MTUS2: variants seen among roughly 807,000 people sequenced by gnomAD.
The protein encoded by MTUS2 is microtubule-associated tumor suppressor candidate 2.
MTUS2 carries 40 observed loss-of-function variants against 114.1 expected under a neutral mutation model. The ratio of observed to expected loss-of-function variants is 0.35; its 90% confidence interval spans 0.27 to 0.46. The LOEUF (loss-of-function observed/expected upper bound fraction) is 0.46, where lower values mean the gene tolerates loss of function less well. MTUS2 is among the 20% of genes least tolerant of loss of function. The pLI is 1.00. For synonymous variants in MTUS2, 688 were observed against 672.0 expected (o/e 1.02, Z -0.37); for missense variants, 1,679 against 1,705.4 (o/e 0.98, Z 0.27).
At position 29,200,563 on chromosome 13, in the gene MTUS2, C is replaced by T. The variant is rs1207004006; in HGVS notation, c.2645-81141C>T. Among the ~76,000 whole-genome samples, 4 of 94,104 alleles carry T rather than the reference C, an allele frequency of 4.3e-5. No homozygotes were observed. The Admixed American group carries it at 6.3e-4, about 15-fold the overall frequency. The allele number at this position is 94,104 out of a possible 152,430, so 61.7% of individuals were successfully genotyped here. On this transcript the variant is annotated intron_variant, in intron 5 of 15. Coordinates refer to ENST00000612955, the MANE Select transcript of MTUS2 (RefSeq NM_001033602.4). ...GAGATGGAGTTTTGCTCTTGTTGCC[C>T]AGGCTGGAATATAATGGTGTGATCT...
At chr13:28,825,181 G>C (rs1020543083) in intron 1 of MTUS2, among the ~76,000 whole-genome samples, 1 of 152,164 alleles carries the variant, frequency 6.6e-6, no homozygotes, top group East Asian at 1.9e-4. Flanking sequence ...TTGGAACTGA[G>C]GACCTCTCAG....
intron 14 of MTUS2, among the ~76,000 whole-genome samples, chr13:29,498,981 C>T (rs1473681946): frequency 6.6e-6 from 1 of 152,196 alleles, no homozygotes; most frequent in Non-Finnish European, 1.5e-5. Context: ...AGCCCTGGCC[C>T]AGTGCTTCCA....
intron 8 of MTUS2, among the ~76,000 whole-genome samples, chr13:29,376,149 T>C (rs3121745): frequency 0.61 from 92,835 of 151,376 alleles, 29,505 homozygotes; most frequent in East Asian, 0.73. Flanking sequence ...AGTAAATAAC[T>C]GAGTAAATAT....
chr13:29,481,001 C>G (rs192670661), intron 10 of MTUS2, among the ~76,000 whole-genome samples: 16 of 152,252 alleles, frequency 1.1e-4, no homozygotes, highest in Non-Finnish European at 5.9e-5. Context: ...CCAGAATTCA[C>G]AGAGCTGGCC....
Position 28,854,504 on chromosome 13 carries a change from C to T in MTUS2, c.-243+14654C>T, listed in dbSNP as rs551252742. Among the ~76,000 whole-genome samples, 7 of 152,262 alleles carry T rather than the reference C, an allele frequency of 4.6e-5. No individual in the cohort carries two copies. The South Asian group carries it at 1.5e-3, about 32-fold the overall frequency. On this transcript the variant is annotated intron_variant, in intron 2 of 15. Coordinates refer to ENST00000612955, the MANE Select transcript of MTUS2 (RefSeq NM_001033602.4). ...ACCACCGTTCAGTTTTGCCTTTTCC[C>T]CTCTGCGTTGTTAGTCCATGAACAC...
rs533849190 is a variant in MTUS2, at chr13:28,962,028, A to G, written c.-242-62429A>G. 1.1e-4 allele frequency among the ~76,000 whole-genome samples: 17 copies of G among 151,604 alleles called. No individual in the cohort carries two copies. In the South Asian group the frequency reaches 3.1e-3, roughly 28 times the overall value. On this transcript the variant is annotated intron_variant, in intron 2 of 15. Transcript: ENST00000612955. ...AATAAATATTTAAAAATCTCTTTCT[A>G]TACATATATATTTTATATACATATT... is the stretch of plus-strand genomic sequence containing the variant.
chr13:29,158,002 T>A (rs1286206720), intron 5 of MTUS2, among the ~76,000 whole-genome samples: 1 of 152,190 alleles, frequency 6.6e-6, no homozygotes, highest in Non-Finnish European at 1.5e-5. Flanking sequence ...GTGAAACATC[T>A]CTGACTTTTA....
chr13:28,893,080 A>C (rs539110648), intron 2 of MTUS2, among the ~76,000 whole-genome samples: 1 of 152,206 alleles, frequency 6.6e-6, no homozygotes, highest in South Asian at 2.1e-4. Context: ...ATAACCTTGG[A>C]GGGTTCATTT....
intron 2 of MTUS2, among the ~76,000 whole-genome samples, chr13:28,991,733 G>T (rs562372940): frequency 6.6e-6 from 1 of 152,206 alleles, no homozygotes; most frequent in East Asian, 1.9e-4. Context: ...CTCTGGGCTG[G>T]CAGGAGCTTT....
At chr13:28,927,422 C>T (rs1201985798) in intron 2 of MTUS2, among the ~76,000 whole-genome samples, 2 of 152,026 alleles carry the variant, frequency 1.3e-5, no homozygotes, top group East Asian at 1.9e-4. Context: ...AAAAATTAGT[C>T]AGGCATAGTG....
intron 5 of MTUS2, among the ~76,000 whole-genome samples, chr13:29,116,296 A>G (rs1256854910): frequency 6.6e-6 from 1 of 152,230 alleles, no homozygotes; most frequent in Non-Finnish European, 1.5e-5. Context: ...TATGCAATAA[A>G]TTTAGATTAT....
chr13:29,471,878 C>T (rs529373731), intron 9 of MTUS2, among the ~76,000 whole-genome samples: 104 of 152,320 alleles, frequency 6.8e-4, no homozygotes, highest in Non-Finnish European at 1.3e-3. Context: ...AGGTGCTTGG[C>T]ACCCAGGAAG....
At chr13:29,464,983 G>A (rs74044815) in intron 9 of MTUS2, among the ~76,000 whole-genome samples, 1,919 of 152,322 alleles carry the variant, frequency 0.013, 49 homozygotes, top group African/African-American at 0.044. Context: ...ATAGATTTGA[G>A]ATTCCACAGA....
intron 2 of MTUS2, among the ~76,000 whole-genome samples, chr13:28,948,762 AG>A (rs1430116680): frequency 6.6e-6 from 1 of 152,200 alleles, no homozygotes; most frequent in Non-Finnish European, 1.5e-5. Flanking sequence ...GCAGGGGAAC[AG>A]GGGTGGGGAA....
chr13:29,193,664 C>A (rs9579305), intron 5 of MTUS2, among the ~76,000 whole-genome samples: 3,977 of 152,218 alleles, frequency 0.026, 86 homozygotes, highest in South Asian at 0.048. Flanking sequence ...AATGGCCATA[C>A]TGCCCAAGGT....
intron 9 of MTUS2, among the ~76,000 whole-genome samples, chr13:29,468,630 C>A (rs1282795696): frequency 1.3e-5 from 2 of 151,934 alleles, no homozygotes; most frequent in African/African-American, 4.8e-5. Context: ...GATTTGAACA[C>A]CTGGACTGAG....
At chr13:29,375,695 CT>C (rs1871668263) in intron 8 of MTUS2, among the ~76,000 whole-genome samples, 1 of 145,400 alleles carries the variant, frequency 6.9e-6, no homozygotes, top group Non-Finnish European at 1.5e-5. Context: ...TTTGCAGCAA[CT>C]TGGACAGAGC....
intron 5 of MTUS2, among the ~76,000 whole-genome samples, chr13:29,227,607 G>A (rs1896161696): frequency 6.6e-6 from 1 of 152,196 alleles, no homozygotes; most frequent in East Asian, 1.9e-4. Flanking sequence ...ACATGGGTTG[G>A]CATTCTTTCC....
chr13:29,415,714 T>C (rs942707007), intron 8 of MTUS2, among the ~76,000 whole-genome samples: 2 of 152,198 alleles, frequency 1.3e-5, no homozygotes, highest in African/African-American at 4.8e-5. Flanking sequence ...ATAGCTGATA[T>C]GTTTGGTCTG....
Sources: allele counts gnomAD v4.1 joint callset (sites outside exome capture counted in the v4.1 genomes callset), GRCh38; gene constraint gnomAD v4.1.1; transcripts MANE v1.5; gene names NCBI Gene and HGNC (gene_info 2026-07-23, HGNC 2026-07-21).